The following TSPAN7 variants were observed in gnomAD, a reference collection of about 807,000 sequenced individuals.
TSPAN7 encodes the protein tetraspanin-7.
A neutral mutation model predicts 17.6 loss-of-function variants in TSPAN7; 1 was observed. The ratio of observed to expected loss-of-function variants is 0.06; its 90% CI spans 0.02 to 0.27. The LOEUF is 0.27. Among genes scored for constraint, TSPAN7 ranks in the 10% least tolerant of loss-of-function variants. The pLI, the probability that TSPAN7 is intolerant of heterozygous loss-of-function variation, is 1.00. For synonymous variants in TSPAN7, 78 were observed against 79.0 expected (o/e 0.99, Z 0.07); for missense variants, 112 against 201.7 (o/e 0.56, Z 2.69).
At chrX:38,658,559 G>T (rs2069719198) in intron 1 of TSPAN7, among the ~76,000 whole-genome samples, 1 of 111,390 alleles carries the variant, frequency 9.0e-6, no homozygotes, top group African/African-American at 3.3e-5. Context: ...CACCTTTATA[G>T]ACTTGTCCAC....
chrX:38,592,702 T>C (rs966897488), intron 1 of TSPAN7, among the ~76,000 whole-genome samples: 3 of 111,302 alleles, frequency 2.7e-5, no homozygotes, highest in Non-Finnish European at 5.7e-5. Flanking sequence ...TTCTATTGTT[T>C]AATACATTTT....
intron 1 of TSPAN7, among the ~76,000 whole-genome samples, chrX:38,626,612 C>G (rs1478405567): frequency 9.0e-6 from 1 of 110,618 alleles, no homozygotes; most frequent in East Asian, 2.9e-4. Context: ...GATCTAGGTT[C>G]CAGAGAGGGC....
At chrX:38,615,213 G>A (rs942338052) in intron 1 of TSPAN7, among the ~76,000 whole-genome samples, 1 of 111,590 alleles carries the variant, frequency 9.0e-6, no homozygotes, top group African/African-American at 3.3e-5. Context: ...GCTTCAGTGA[G>A]CTTTCTAAGC....
At chrX:38,662,141 C>A (rs181616213) in intron 1 of TSPAN7, among the ~76,000 whole-genome samples, 4 of 111,320 alleles carry the variant, frequency 3.6e-5, no homozygotes, top group African/African-American at 1.3e-4. Context: ...GAACACCCGC[C>A]GCACGTCCAC....
At chrX:38,687,867 C>T (rs2069934961) in intron 7 of TSPAN7, 72 bp from the exon 8 acceptor site, 2 of 335,764 alleles carry the variant, frequency 6.0e-6, no homozygotes, top group South Asian at 1.0e-4. Context: ...TGTGGAAATG[C>T]TTTTTTCAGC....
chrX:38,680,074 G>A (rs1338385339), intron 5 of TSPAN7, among the ~76,000 whole-genome samples: 1 of 111,176 alleles, frequency 9.0e-6, no homozygotes, highest in Admixed American at 9.6e-5. Flanking sequence ...AAACCCCGAC[G>A]ACACAAGTTT....
At chrX:38,621,000 A>G (rs2069485195) in intron 1 of TSPAN7, among the ~76,000 whole-genome samples, 1 of 112,137 alleles carries the variant, frequency 8.9e-6, no homozygotes, top group East Asian at 2.8e-4. Flanking sequence ...ATAGATTGGG[A>G]CAGCCTATGG....
intron 1 of TSPAN7, among the ~76,000 whole-genome samples, chrX:38,663,178 C>G (rs749852730): frequency 0.058 from 5,737 of 99,373 alleles, 432 homozygotes; most frequent in African/African-American, 0.19. Flanking sequence ...CACACACACA[C>G]ACAGACACAC....
intron 1 of TSPAN7, among the ~76,000 whole-genome samples, 198 bp downstream of exon 1, chrX:38,561,825 C>T (rs948752097): frequency 9.0e-6 from 1 of 111,182 alleles, no homozygotes. Context: ...CCCTAGACCT[C>T]GCTCCGCGCA....
chrX:38,687,536 A>T (rs1422345569), intron 6 of TSPAN7, 63 bp from the exon 7 acceptor site: 1 of 998,326 alleles, frequency 1.0e-6, no homozygotes, highest in African/African-American at 1.9e-5. Context: ...TATTAATTAA[A>T]TATTAAAAGG....
intron 1 of TSPAN7, among the ~76,000 whole-genome samples, chrX:38,592,581 A>G (rs925916012): frequency 9.0e-6 from 1 of 111,087 alleles, no homozygotes; most frequent in African/African-American, 3.3e-5. Context: ...CATAGTATAC[A>G]TATTTAACTT....
chrX:38,568,845 A>C (rs2069155836), intron 1 of TSPAN7, among the ~76,000 whole-genome samples: 1 of 109,761 alleles, frequency 9.1e-6, no homozygotes, highest in East Asian at 2.8e-4. Context: ...TATTTCTGGG[A>C]GATCACTTCC....
rs1602123792 is a variant in TSPAN7, at chrX:38,675,305, T to C, written c.442-400T>C. 3.6e-5 allele frequency among the ~76,000 whole-genome samples: 4 copies of C among 112,535 alleles called. No individual in the cohort carries two copies. In the South Asian group the frequency reaches 1.1e-3, roughly 31 times the overall value. ...CCCTTTCTGTATGTGCATCTTTTTT[T>C]CTTAAGAACTATTTATTTACTTATT... On this transcript the variant is annotated intron_variant, in intron 4 of 7. Transcript: ENST00000378482.
chrX:38,643,762 G>A (rs926200826), intron 1 of TSPAN7, among the ~76,000 whole-genome samples: 4 of 110,393 alleles, frequency 3.6e-5, no homozygotes, highest in South Asian at 3.9e-4. Flanking sequence ...GGAGAATGGC[G>A]TGAACCCAGG....
intron 7 of TSPAN7, 107 bp downstream of exon 7, chrX:38,687,781 G>A: frequency 3.4e-6 from 2 of 589,065 alleles, no homozygotes; most frequent in Admixed American, 6.5e-5. Context: ...CCTGATCTTG[G>A]TGGCACTTGT....
intron 1 of TSPAN7, among the ~76,000 whole-genome samples, chrX:38,597,392 G>T (rs1409418659): frequency 9.0e-6 from 1 of 110,851 alleles, no homozygotes; most frequent in Non-Finnish European, 1.9e-5. Flanking sequence ...GGTGTTTAAG[G>T]TGGTCTTTAA....
chrX:38,571,368 T>A (rs1339577473), intron 1 of TSPAN7, among the ~76,000 whole-genome samples: 1 of 111,542 alleles, frequency 9.0e-6, no homozygotes, highest in Non-Finnish European at 1.9e-5. Flanking sequence ...AGTGCCAGAA[T>A]TGATATGCTA....
At chrX:38,612,974 A>G (rs1406226651) in intron 1 of TSPAN7, among the ~76,000 whole-genome samples, 1 of 111,819 alleles carries the variant, frequency 8.9e-6, no homozygotes, top group African/African-American at 3.2e-5. Context: ...ATGACATACT[A>G]TGTGCCATTT....
chrX:38,600,005 A>G (rs1262517622), intron 1 of TSPAN7, among the ~76,000 whole-genome samples: 2 of 111,947 alleles, frequency 1.8e-5, no homozygotes, highest in Non-Finnish European at 3.8e-5. Flanking sequence ...TTTTCCTGCC[A>G]GAATGTCTGC....
Sources: allele counts gnomAD v4.1 joint callset (sites outside exome capture counted in the v4.1 genomes callset), GRCh38; gene constraint gnomAD v4.1.1; transcripts MANE v1.5; gene names NCBI Gene and HGNC (gene_info 2026-07-23, HGNC 2026-07-21).